ZNF384: variants seen among roughly 807,000 people sequenced by gnomAD.
ZNF384 encodes the protein CAG repeat protein 1.
Under a neutral mutation model 65.0 loss-of-function variants are expected in ZNF384, and 20 were observed. The ratio of observed to expected loss-of-function variants is 0.31; its 90% CI spans 0.22 to 0.45. The LOEUF (loss-of-function observed/expected upper bound fraction) is 0.45. ZNF384 is among the 20% of genes least tolerant of loss of function. The pLI, the probability that ZNF384 is intolerant of heterozygous loss-of-function variation, is 1.00. For missense variants in ZNF384, 549 were observed against 769.4 expected, an observed-to-expected ratio of 0.71 and a Z score of 3.39; for synonymous variants, 310 against 303.9, an observed-to-expected ratio of 1.02 and a Z score of -0.21.
At chr12:6,685,776 C>CAAAA (rs778337408) in intron 2 of ZNF384, among the ~76,000 whole-genome samples, 447 of 42,378 alleles carry the variant, frequency 0.011, 8 homozygotes, top group African/African-American at 0.019. Flanking sequence ...GACTCAGTCT[C>CAAAA]AAAAAAAAAA....
In ZNF384 at chr12:6,673,302, G is replaced by T. The variant is rs748984943; in HGVS notation, c.918C>A (p.Ile306=). The change falls in exon 8 of 12, where the codon ATC becomes ATA. Residue 306 remains isoleucine, a synonymous_variant. Transcript: ENST00000683879. This position sits in a 1 kb window ranked among gnomAD's most constrained non-coding sequence, Gnocchi z 4.7. Reference sequence around the variant, plus strand: ...AGGGCTTAGCCCCTGAGTGTATACGGATGTGCTGGGCCAGGTAGGAGCTGT... The same window carrying T: ...AGGGCTTAGCCCCTGAGTGTATACGTATGTGCTGGGCCAGGTAGGAGCTGT... The part of the protein sequence containing the change: ...FANSSYLAQH[I]RIHSGAKPYS... 9.9e-6 allele frequency: 16 copies of T among 1,614,114 alleles called. No homozygotes were observed. Among genetic ancestry groups the T allele is most frequent in the Admixed American group, 1.7e-5 (1 of 60,014 alleles).
intron 2 of ZNF384, among the ~76,000 whole-genome samples, chr12:6,684,476 A>C (rs990437334): frequency 1.3e-5 from 2 of 152,208 alleles, no homozygotes; most frequent in African/African-American, 4.8e-5. Context: ...TACCAAGATA[A>C]CTTACTTTAG....
intron 2 of ZNF384, among the ~76,000 whole-genome samples, chr12:6,682,282 T>C (rs1339866241): frequency 2.6e-5 from 4 of 151,892 alleles, no homozygotes; most frequent in South Asian, 2.1e-4. Flanking sequence ...AACACACTAC[T>C]GTACTCTAAC....
At position 6,670,801 on chromosome 12, in the gene ZNF384, G is replaced by A. The variant is rs1478971488; in HGVS notation, c.1225C>T (p.Pro409Ser). The change falls in exon 10 of 12, where the codon CCA becomes TCA. Residue 409 changes from proline (P) to serine (S), a missense_variant. Physicochemically the swap from Pro to Ser is moderately conservative, Grantham distance 74. Coordinates refer to ENST00000683879, the MANE Select transcript of ZNF384 (RefSeq NM_001385745.1). ...TGDRPYKCAH[P>S]GCEKAFTQLS... ...TGTGTGAAGGCTTTCTCACAGCCTGGGTGTGCACATTTGTATGGTCTATCA... is the reference window on the plus strand; with the variant it reads ...TGTGTGAAGGCTTTCTCACAGCCTGAGTGTGCACATTTGTATGGTCTATCA... The A allele has an allele frequency of 6.2e-7, 1 of 1,614,014 alleles. No homozygotes were observed. Among genetic ancestry groups the A allele is most frequent in the Non-Finnish European group, 8.5e-7 (1 of 1,180,034 alleles).
intron 2 of ZNF384, among the ~76,000 whole-genome samples, chr12:6,685,760 G>A (rs1404875893): frequency 7.9e-6 from 1 of 127,010 alleles, no homozygotes; most frequent in Non-Finnish European, 1.6e-5. Context: ...CTGGGCGACA[G>A]AGCGAGACTC....
chr12:6,679,062 G>A lies in ZNF384; in HGVS notation c.188C>T (p.Ser63Leu), dbSNP rs1954863986. 6.2e-7 allele frequency: 1 copy of A among 1,614,046 alleles called. No homozygotes were observed. ...GGACTCTGTGTCCATACTGATGCCTGAGGGCAGGGACACTGAGGCAGGCAC... is the reference window on the plus strand; with the variant it reads ...GGACTCTGTGTCCATACTGATGCCTAAGGGCAGGGACACTGAGGCAGGCAC... ...LTVPASVSLPSGISMDTESKS... is the reference protein window; with the variant it reads ...LTVPASVSLPLGISMDTESKS... The change falls in exon 4 of 12, where the codon TCA becomes TTA. Residue 63 changes from serine to leucine, a missense_variant. By Grantham distance (145) the Ser-to-Leu change is moderately radical (BLOSUM62 -2). Transcript: ENST00000683879.
chr12:6,679,640 G>A, intron 2 of ZNF384, 115 bp from the exon 3 acceptor site: 1 of 754,110 alleles, frequency 1.3e-6, no homozygotes, highest in South Asian at 1.6e-5. Context: ...TCACATGGCT[G>A]GGGACTGGCA....
At chr12:6,682,324 A>G (rs1956294879) in intron 2 of ZNF384, among the ~76,000 whole-genome samples, 1 of 20,368 alleles carries the variant, frequency 4.9e-5, no homozygotes, top group African/African-American at 2.0e-4. Flanking sequence ...CAACTCCAAA[A>G]CAAAACAAAA....
rs1406446554 is a variant in ZNF384 at position 6,678,187 on chromosome 12, T to C, written c.626A>G (p.Asp209Gly). ...MLESGLPEMNDPYVLSPEDDD... is the reference protein window; with the variant it reads ...MLESGLPEMNGPYVLSPEDDD... ...ATCCTCAGGGGAGAGGACATAAGGGTCATTCATCTCGGGCAGCCCTGATTC... is the reference window on the plus strand; with the variant it reads ...ATCCTCAGGGGAGAGGACATAAGGGCCATTCATCTCGGGCAGCCCTGATTC... The change falls in exon 6 of 12, where the codon GAC (aspartate) becomes GGC (glycine). Residue 209 changes from aspartate (D) to glycine (G), a missense_variant. This residue lies in a region of ZNF384 where 277 missense variants were observed against 337.2 expected (regional missense o/e 0.82). Coordinates refer to ENST00000683879, the MANE Select transcript of ZNF384 (RefSeq NM_001385745.1). This position sits in a 1 kb window ranked among gnomAD's most constrained non-coding sequence, Gnocchi z 4.9. The C allele has an allele frequency of 6.2e-7, 1 of 1,614,016 alleles. No individual in the cohort carries two copies. The highest frequency in any genetic ancestry group is 2.2e-5 in the East Asian group (1 of 44,878).
chr12:6,680,338 C>A (rs1481544232), intron 2 of ZNF384, among the ~76,000 whole-genome samples: 1 of 151,986 alleles, frequency 6.6e-6, no homozygotes, highest in African/African-American at 2.4e-5. Flanking sequence ...GGCCAGAACA[C>A]AATACGACTA....
chr12:6,678,988 T>C lies in ZNF384; in HGVS notation c.262A>G (p.Ile88Val). ...GTAGACGGCACAGGGACCACCGTGA[T>C]ATTCTGGGTAACGGACGCTTGGCTG... ...PHSQASVTQN[I>V]TVVPVPSTGL... The change falls in exon 4 of 12, where the codon ATC (isoleucine) becomes GTC (valine). Residue 88 changes from isoleucine to valine, a missense_variant. Physicochemically the swap from Ile to Val is conservative, Grantham distance 29 (BLOSUM62 3). This residue lies in a region of ZNF384 where 277 missense variants were observed against 337.2 expected (regional missense o/e 0.82). Coordinates refer to ENST00000683879, the MANE Select transcript of ZNF384 (RefSeq NM_001385745.1). The surrounding 1 kb of genome is among the most constrained non-coding windows in gnomAD (Gnocchi z 4.9). 1.9e-6 allele frequency: 3 copies of C among 1,614,038 alleles called. No individual in the cohort carries two copies. Among genetic ancestry groups the C allele is most frequent in the Middle Eastern group, 1.6e-4 (1 of 6,062 alleles).
intron 2 of ZNF384, among the ~76,000 whole-genome samples, chr12:6,687,453 A>C (rs541109846): frequency 6.6e-6 from 1 of 152,310 alleles, no homozygotes; most frequent in East Asian, 1.9e-4. Context: ...CCCAATATTT[A>C]ATCAACAACT....
chr12:6,677,340 C>T, intron 6 of ZNF384, 81 bp from the exon 7 acceptor site: 1 of 1,224,126 alleles, frequency 8.2e-7, no homozygotes, highest in South Asian at 1.5e-5. Flanking sequence ...GCACATCTGC[C>T]CCTGTCTATA....
rs1952361976 is a variant in ZNF384 at position 6,673,559 on chromosome 12, G to A, written c.780-119C>T. ...AGGTCTCTCCTACTCCAACTTGAGAGTAGAGCTCTATATATTCATCTTTAT... is the reference window on the plus strand; with the variant it reads ...AGGTCTCTCCTACTCCAACTTGAGAATAGAGCTCTATATATTCATCTTTAT... On this transcript the variant is annotated intron_variant, in intron 7 of 11. Transcript: ENST00000683879. This position sits in a 1 kb window ranked among gnomAD's most constrained non-coding sequence, Gnocchi z 4.7. 2 of 745,358 alleles carry A rather than the reference G, an allele frequency of 2.7e-6. No individual in the cohort carries two copies. Among genetic ancestry groups the A allele is most frequent in the Admixed American group, 2.6e-5 (1 of 38,088 alleles). 46.2% of individuals were successfully genotyped at this position (745,358 alleles called of 1,614,324 possible). A position where few individuals can be genotyped will look rare whatever the true frequency, so the allele number is the denominator to read the frequency against.
intron 10 of ZNF384, 69 bp from the exon 11 acceptor site, chr12:6,669,258 G>T (rs946335370): frequency 4.7e-6 from 7 of 1,486,184 alleles, no homozygotes; most frequent in Non-Finnish European, 6.3e-6. Context: ...GACCTCGATG[G>T]AAAGCAAAAA....
At chr12:6,674,957 T>C (rs1045846678) in intron 7 of ZNF384, among the ~76,000 whole-genome samples, 2 of 152,214 alleles carry the variant, frequency 1.3e-5, no homozygotes, top group Non-Finnish European at 2.9e-5. Context: ...TGTACTAAAG[T>C]TGCAAACTAA....
intron 7 of ZNF384, among the ~76,000 whole-genome samples, chr12:6,676,330 A>G (rs1382787090): frequency 6.6e-6 from 1 of 152,220 alleles, no homozygotes; most frequent in Non-Finnish European, 1.5e-5. Flanking sequence ...TGGAATGTCA[A>G]GAGTTCTGAG....
rs1954496788 is a variant in ZNF384 at position 6,678,238 on chromosome 12, C to T, written c.575G>A (p.Arg192Gln). ...CAGCATCCGCTTCTTCTTCCGGCCC[C>T]GGGGTGGCTTAGGAGCCACACTGCC... Reference protein sequence around the residue: ...GGGSVAPKPPRGRKKKRMLES... With the variant: ...GGGSVAPKPPQGRKKKRMLES... The change falls in exon 6 of 12, where the codon CGG (arginine) becomes CAG (glutamine). Residue 192 changes from arginine (R) to glutamine (Q), a missense_variant. By Grantham distance (43) the Arg-to-Gln change is conservative (BLOSUM62 1). This residue lies in a region of ZNF384 where 277 missense variants were observed against 337.2 expected (regional missense o/e 0.82). Transcript: ENST00000683879. This position sits in a 1 kb window ranked among gnomAD's most constrained non-coding sequence, Gnocchi z 4.9. 2 of 1,614,178 alleles carry T rather than the reference C, an allele frequency of 1.2e-6. No individual in the cohort carries two copies. Among genetic ancestry groups the T allele is most frequent in the Non-Finnish European group, 1.7e-6 (2 of 1,180,042 alleles).
intron 3 of ZNF384, 96 bp downstream of exon 3, chr12:6,679,359 G>C (rs879194401): frequency 1.5e-6 from 2 of 1,318,478 alleles, no homozygotes; most frequent in Admixed American, 3.7e-5. Flanking sequence ...CAGGGGTGGG[G>C]GACCCAGTAA....
Sources: gnomAD v4.1 joint callset for allele counts (sites outside exome capture counted in the v4.1 genomes callset) on GRCh38, gnomAD v4.1.1 for gene constraint, gnomAD v4.1.1 regional missense constraint, Gnocchi (gnomAD v3.1) non-coding constraint, MANE v1.5 for transcripts, NCBI Gene and HGNC (gene_info 2026-07-23, HGNC 2026-07-21) for gene names.